Variants in NKAIN3 observed in about 807,000 individuals in gnomAD.
NKAIN3 encodes sodium/potassium-transporting ATPase subunit beta-1-interacting protein 3.
NKAIN3 carries 25 observed loss-of-function variants against 30.2 expected under a neutral mutation model. The observed-to-expected ratio is 0.83, with a 90% CI of 0.60 to 1.16. The LOEUF (loss-of-function observed/expected upper bound fraction) is 1.16, where lower values mean the gene tolerates loss of function less well. Among genes scored for constraint, NKAIN3 ranks in the 50% most tolerant of loss-of-function variants. NKAIN3 has a pLI of 0.00. For missense variants in NKAIN3, 225 were observed against 254.1 expected, an observed-to-expected ratio of 0.89 and a Z score of 0.78; for synonymous variants, 91 against 89.6, an observed-to-expected ratio of 1.02 and a Z score of -0.09.
chr8:62,864,097 C>A (rs62510828), intron 4 of NKAIN3: 2 of 646,084 alleles, frequency 3.1e-6, no homozygotes, highest in Non-Finnish European at 5.5e-6. Flanking sequence ...GCGGCGCAAG[C>A]GGGGCTACAG....
intron 4 of NKAIN3, among the ~76,000 whole-genome samples, chr8:62,825,359 T>C (rs1416121179): frequency 6.6e-6 from 1 of 152,200 alleles, no homozygotes; most frequent in African/African-American, 2.4e-5. Context: ...AAATCCATAA[T>C]AAATTGTGTA....
intron 6 of NKAIN3, among the ~76,000 whole-genome samples, chr8:62,960,587 T>A (rs1823543070): frequency 6.6e-6 from 1 of 152,006 alleles, no homozygotes; most frequent in Admixed American, 6.6e-5. Context: ...ATTTTAAAAT[T>A]AAAGCCAATG....
intron 3 of NKAIN3, among the ~76,000 whole-genome samples, chr8:62,603,170 G>A (rs1531661): frequency 0.48 from 72,406 of 152,012 alleles, 18,655 homozygotes; most frequent in Non-Finnish European, 0.58. Context: ...TTGTGATGTT[G>A]ATTTGCTTCG....
chr8:62,295,433 G>A (rs1813794116), intron 1 of NKAIN3, among the ~76,000 whole-genome samples: 1 of 152,100 alleles, frequency 6.6e-6, no homozygotes, highest in African/African-American at 2.4e-5. Context: ...TTGGAGTTTG[G>A]GTTACTCTGA....
At chr8:62,883,405 T>C (rs4469451) in intron 4 of NKAIN3, among the ~76,000 whole-genome samples, 113,779 of 147,972 alleles carry the variant, frequency 0.77, 44,689 homozygotes, top group East Asian at 0.93. Flanking sequence ...GTATGTTAAC[T>C]GCTTATCTGC....
chr8:62,569,486 C>T (rs1042557376), intron 1 of NKAIN3, among the ~76,000 whole-genome samples: 19 of 152,162 alleles, frequency 1.2e-4, no homozygotes, highest in Non-Finnish European at 5.9e-5. Flanking sequence ...ATAAAAAAGA[C>T]TACTTCAGGC....
At chr8:62,843,658 C>T (rs1384906008) in intron 4 of NKAIN3, among the ~76,000 whole-genome samples, 1 of 151,886 alleles carries the variant, frequency 6.6e-6, no homozygotes, top group Non-Finnish European at 1.5e-5. Context: ...TGATTTTAGC[C>T]CAGGGAGATT....
chr8:62,322,508 C>G (rs1341410930), intron 1 of NKAIN3, among the ~76,000 whole-genome samples: 1 of 152,102 alleles, frequency 6.6e-6, no homozygotes, highest in Non-Finnish European at 1.5e-5. Flanking sequence ...GGATGTTAAA[C>G]TGGTAAGTAT....
In NKAIN3 at chr8:62,710,923, G is replaced by A. The variant is rs189019029; in HGVS notation, c.274-36009G>A. On this transcript the variant is annotated intron_variant, in intron 3 of 6. Transcript: ENST00000623646. ...TGTTCCTTTCAGCAGTTCTTGTAGT[G>A]GTGGCTTGGTAATGGTAAATTCTTT... 7.0e-4 allele frequency among the ~76,000 whole-genome samples: 106 copies of A among 152,266 alleles called. 1 individual carries two copies. In the Middle Eastern group the frequency reaches 0.01, roughly 15 times the overall value.
At chr8:62,764,737 A>G (rs1449145646) in intron 4 of NKAIN3, among the ~76,000 whole-genome samples, 1 of 152,218 alleles carries the variant, frequency 6.6e-6, no homozygotes, top group Non-Finnish European at 1.5e-5. Context: ...ATAAAGAGTC[A>G]ATTTGCAAAT....
chr8:62,585,020 T>G (rs1386445228), intron 2 of NKAIN3, among the ~76,000 whole-genome samples: 1 of 152,140 alleles, frequency 6.6e-6, no homozygotes, highest in Non-Finnish European at 1.5e-5. Flanking sequence ...AAATCAAAGT[T>G]TATTGGATGA....
intron 4 of NKAIN3, among the ~76,000 whole-genome samples, chr8:62,798,467 G>C (rs1046860745): frequency 2.6e-5 from 4 of 152,000 alleles, no homozygotes; most frequent in Non-Finnish European, 4.4e-5. Context: ...AGTTACCCTG[G>C]AGGCTGAGGC....
intron 4 of NKAIN3, among the ~76,000 whole-genome samples, chr8:62,754,989 T>C (rs1816404969): frequency 6.6e-6 from 1 of 152,234 alleles, no homozygotes; most frequent in African/African-American, 2.4e-5. Context: ...AATGTAAATA[T>C]AGTTAAAAGA....
chr8:62,289,442 G>T (rs904878645), intron 1 of NKAIN3, among the ~76,000 whole-genome samples: 2 of 152,180 alleles, frequency 1.3e-5, no homozygotes, highest in Admixed American at 6.5e-5. Context: ...AAGGGATCCA[G>T]TTTCAGCTTT....
chr8:62,572,911 T>C (rs547672581), intron 1 of NKAIN3, among the ~76,000 whole-genome samples: 3 of 152,282 alleles, frequency 2.0e-5, no homozygotes, highest in African/African-American at 7.2e-5. Flanking sequence ...AAACATTGTA[T>C]TTTAAAGGCA....
At chr8:62,655,072 T>A (rs190326783) in intron 3 of NKAIN3, among the ~76,000 whole-genome samples, 3 of 152,224 alleles carry the variant, frequency 2.0e-5, no homozygotes, top group Non-Finnish European at 4.4e-5. Flanking sequence ...TGGGGATTGG[T>A]AGAGTTTATA....
intron 3 of NKAIN3, among the ~76,000 whole-genome samples, chr8:62,742,728 A>T (rs1025871178): frequency 6.6e-6 from 1 of 152,220 alleles, no homozygotes; most frequent in African/African-American, 2.4e-5. Flanking sequence ...CATTATTTTT[A>T]AGATTAATTC....
At chr8:62,503,344 G>A (rs1807521975) in intron 1 of NKAIN3, among the ~76,000 whole-genome samples, 2 of 152,104 alleles carry the variant, frequency 1.3e-5, no homozygotes, top group South Asian at 4.2e-4. Context: ...ATGCTTCAAG[G>A]GGCAAAAGGC....
At chr8:62,573,298 G>GCA (rs1810005111) in intron 1 of NKAIN3, among the ~76,000 whole-genome samples, 2 of 152,142 alleles carry the variant, frequency 1.3e-5, no homozygotes, top group Admixed American at 1.3e-4. Context: ...TATAATGACT[G>GCA]TGAAATATTT....
Sources: gnomAD v4.1 joint callset for allele counts (sites outside exome capture counted in the v4.1 genomes callset) on GRCh38, gnomAD v4.1.1 for gene constraint, MANE v1.5 for transcripts, NCBI Gene and HGNC (gene_info 2026-07-23, HGNC 2026-07-21) for gene names.